SCFD2: variants seen among roughly 807,000 people sequenced by gnomAD.
SCFD2 encodes sec1 family domain containing 2.
SCFD2 carries 54 observed loss-of-function variants against 58.9 expected under a neutral mutation model. That is an observed-to-expected ratio of 0.92 (90% CI 0.74 to 1.15). SCFD2 has a LOEUF of 1.15. Ranked by LOEUF, SCFD2 falls within the 50% of genes most tolerant of loss-of-function variation. The pLI is 0.00. For synonymous variants in SCFD2, 321 were observed against 335.9 expected, an observed-to-expected ratio of 0.96 and a Z score of 0.49; for missense variants, 805 against 836.6, an observed-to-expected ratio of 0.96 and a Z score of 0.47.
chr4:53,311,747 TG>T (rs978354233), intron 3 of SCFD2, among the ~76,000 whole-genome samples: 1 of 151,990 alleles, frequency 6.6e-6, no homozygotes, highest in Non-Finnish European at 1.5e-5. Flanking sequence ...GCTATTCTCC[TG>T]CCTCAGCCTC....
At chr4:52,999,611 C>T (rs543752375) in intron 5 of SCFD2, among the ~76,000 whole-genome samples, 6 of 152,272 alleles carry the variant, frequency 3.9e-5, no homozygotes, top group African/African-American at 1.4e-4. Context: ...AGGGCAGGGA[C>T]ATCAAGGTAA....
At chr4:53,112,707 C>A (rs1725207763) in intron 5 of SCFD2, among the ~76,000 whole-genome samples, 1 of 152,108 alleles carries the variant, frequency 6.6e-6, no homozygotes, top group Non-Finnish European at 1.5e-5. Flanking sequence ...ACTTTCCTCA[C>A]TGAGAAAATG....
At chr4:53,176,556 A>G (rs564617163) in intron 4 of SCFD2, among the ~76,000 whole-genome samples, 3 of 152,364 alleles carry the variant, frequency 2.0e-5, no homozygotes, top group Non-Finnish European at 2.9e-5. Flanking sequence ...AGAGAAAGGA[A>G]TAACTACCAT....
In SCFD2 at chr4:52,944,829, C is replaced by T. The variant is rs141161661; in HGVS notation, c.1562-23959G>A. Among the ~76,000 whole-genome samples, 47 of 152,260 alleles carry T rather than the reference C, an allele frequency of 3.1e-4. 1 individual carries two copies. The highest frequency in any genetic ancestry group is 1.1e-3 in the African/African-American group (45 of 41,540). ...TTAACTGGTGGAAGGAGAAGGTGGC[C>T]TCCTTCTGAAGTCCCCTCCCTGGAG... On this transcript the variant is annotated intron_variant, in intron 5 of 8. Coordinates refer to ENST00000401642, the MANE Select transcript of SCFD2 (RefSeq NM_152540.4).
At chr4:53,353,444 G>C (rs376420766) in intron 1 of SCFD2, among the ~76,000 whole-genome samples, 1 of 152,202 alleles carries the variant, frequency 6.6e-6, no homozygotes, top group African/African-American at 2.4e-5. Flanking sequence ...CAACAGTGTG[G>C]TAAGGGACCC....
At chr4:53,338,575 C>CTTTTTTTTTTTTTTTTTTTTTTTTTTTTT in intron 2 of SCFD2, among the ~76,000 whole-genome samples, 1 of 72,296 alleles carries the variant, frequency 1.4e-5, no homozygotes, top group Non-Finnish European at 2.5e-5. Flanking sequence ...GTATATTTTT[C>CTTTTTTTTTTTTTTTTTTTTTTTTTTTTT]TTTTTTTTTT....
rs529262448 is a variant in SCFD2, at chr4:53,071,399, G to A, written c.1561+73934C>T. ...ATACAAGGTTACATATAATTTTTTG[G>A]AGGGAGGTGGTCCATGGACCCCAAA... is the stretch of plus-strand genomic sequence containing the variant. On this transcript the variant is annotated intron_variant, in intron 5 of 8. Coordinates refer to ENST00000401642, the MANE Select transcript of SCFD2 (RefSeq NM_152540.4). Among the ~76,000 whole-genome samples the A allele has an allele frequency of 2.0e-5, 3 of 152,156 alleles. No homozygotes were observed. In the South Asian group the frequency reaches 6.2e-4, roughly 32 times the overall value.
intron 4 of SCFD2, among the ~76,000 whole-genome samples, chr4:53,226,971 T>C (rs1729236757): frequency 6.6e-6 from 1 of 152,224 alleles, no homozygotes. Flanking sequence ...GTATCCCTAA[T>C]GAGGTGCATT....
rs1343175397 is a variant in SCFD2 at position 53,251,540 on chromosome 4, C to G, written c.1311+22286G>C. Among the ~76,000 whole-genome samples, 5 of 152,218 alleles carry G rather than the reference C, an allele frequency of 3.3e-5. No individual in the cohort carries two copies. In the East Asian group the frequency reaches 7.7e-4, roughly 23 times the overall value. ...CATCAAAAAGCTTATCCACCATGAT[C>G]AAATGGGCTTCATCCCTGGGATGCA... On this transcript the variant is annotated intron_variant, in intron 4 of 8. Transcript: ENST00000401642.
chr4:53,001,712 T>A (rs1460122236), intron 5 of SCFD2, among the ~76,000 whole-genome samples: 1 of 152,232 alleles, frequency 6.6e-6, no homozygotes, highest in Non-Finnish European at 1.5e-5. Flanking sequence ...CCTATGTATA[T>A]GTTTGGGAAT....
chr4:53,245,887 A>C (rs1730053708), intron 4 of SCFD2, among the ~76,000 whole-genome samples: 1 of 152,192 alleles, frequency 6.6e-6, no homozygotes, highest in Non-Finnish European at 1.5e-5. Flanking sequence ...AAGACATCCA[A>C]GTAGGAAGAC....
At chr4:53,243,216 A>C (rs549907556) in intron 4 of SCFD2, among the ~76,000 whole-genome samples, 3 of 152,338 alleles carry the variant, frequency 2.0e-5, no homozygotes, top group Non-Finnish European at 4.4e-5. Flanking sequence ...CAAAATGTTA[A>C]GGCAGCTAAA....
chr4:53,162,818 G>A (rs981835352), intron 4 of SCFD2, among the ~76,000 whole-genome samples: 1 of 151,350 alleles, frequency 6.6e-6, no homozygotes, highest in Non-Finnish European at 1.5e-5. Context: ...CCTGCACATT[G>A]CGCACATGTA....
chr4:53,283,832 T>C lies in SCFD2; in HGVS notation c.1136-9831A>G, dbSNP rs185360713. ...ACGTAACATAATTTTAAAATATGCA[T>C]GTAGGCCAGGCACGGTGTCTCACGC... On this transcript the variant is annotated intron_variant, in intron 3 of 8. Coordinates refer to ENST00000401642, the MANE Select transcript of SCFD2 (RefSeq NM_152540.4). Among the ~76,000 whole-genome samples, 505 of 152,164 alleles carry C rather than the reference T, an allele frequency of 3.3e-3. 1 individual carries two copies. Among genetic ancestry groups the C allele is most frequent in the Middle Eastern group, 0.017 (5 of 294 alleles).
intron 5 of SCFD2, among the ~76,000 whole-genome samples, chr4:53,044,024 A>G (rs530866006): frequency 3.0e-4 from 46 of 152,268 alleles, no homozygotes; most frequent in Non-Finnish European, 4.4e-4. Flanking sequence ...AGCTGCAAGG[A>G]GTGCAATTAG....
chr4:53,238,267 C>CT (rs1729742049), intron 4 of SCFD2, among the ~76,000 whole-genome samples: 1 of 110,422 alleles, frequency 9.1e-6, no homozygotes, highest in African/African-American at 3.5e-5. Context: ...GGCAGAGGCG[C>CT]CCCTCACCTC....
intron 4 of SCFD2, among the ~76,000 whole-genome samples, chr4:53,204,840 G>C (rs1287827358): frequency 6.6e-6 from 1 of 151,280 alleles, no homozygotes; most frequent in Non-Finnish European, 1.5e-5. Flanking sequence ...CAAAGGATTA[G>C]GAATCAGAAC....
In SCFD2 at chr4:52,912,041, C is replaced by CT. The variant is rs372332733; in HGVS notation, c.1708-4451dup. On this transcript the variant is annotated intron_variant, in intron 6 of 8. Coordinates refer to ENST00000401642, the MANE Select transcript of SCFD2 (RefSeq NM_152540.4). ...TCATAGGATTTAATAAATTACCTTT[C>CT]TTTTTTTTTCAAGCTCAAAGTGGCA... is the stretch of plus-strand genomic sequence containing the variant. 1.6e-3 allele frequency among the ~76,000 whole-genome samples: 236 copies of CT among 151,336 alleles called. 1 individual carries two copies. The highest frequency in any genetic ancestry group is 2.6e-3 in the Non-Finnish European group (177 of 67,760).
At chr4:52,924,605 G>A (rs1333526870) in intron 5 of SCFD2, among the ~76,000 whole-genome samples, 1 of 152,100 alleles carries the variant, frequency 6.6e-6, no homozygotes, top group African/African-American at 2.4e-5. Flanking sequence ...ATACGTTTTA[G>A]GGATACTGGG....
Sources: allele counts gnomAD v4.1 joint callset (sites outside exome capture counted in the v4.1 genomes callset), GRCh38; gene constraint gnomAD v4.1.1; transcripts MANE v1.5; gene names NCBI Gene and HGNC (gene_info 2026-07-23, HGNC 2026-07-21).